MAP1S: variants seen among roughly 807,000 people sequenced by gnomAD.
MAP1S encodes the protein microtubule-associated protein 1S.
MAP1S carries 27 observed loss-of-function variants against 60.9 expected under a neutral mutation model. The observed-to-expected ratio is 0.44, with a 90% CI of 0.33 to 0.61. The LOEUF (loss-of-function observed/expected upper bound fraction) is 0.61. Ranked by LOEUF, MAP1S falls within the 20% of genes least tolerant of loss-of-function variation. The pLI is 0.03. For missense variants in MAP1S, 1,608 were observed against 1,486.6 expected (o/e 1.08, Z -1.34); for synonymous variants, 826 against 694.2 (o/e 1.19, Z -2.98).
At position 17,725,847 on chromosome 19, in the gene MAP1S, A is replaced by G. The variant is rs1418635170; in HGVS notation, c.463A>G (p.Thr155Ala). ...CATACAGATCCGGGACATCCTGGCC[A>G]CCACGCCCCCACCTGTGCAGCCGCC... ...KDREIRDILATTPPPVQPPIL... is the reference protein window; with the variant it reads ...KDREIRDILAATPPPVQPPIL... Residue 155 changes from threonine (T) to alanine (A), a missense_variant, in exon 5 of 7, where the codon ACC becomes GCC. Physicochemically the swap from Thr to Ala is moderately conservative, Grantham distance 58. Around this residue, in one of 4 missense-constraint regions of MAP1S, gnomAD observed 320 missense variants for 393.1 expected, o/e 0.81. Coordinates refer to ENST00000324096, the MANE Select transcript of MAP1S (RefSeq NM_018174.6). This position sits in a 1 kb window ranked among gnomAD's most constrained non-coding sequence, Gnocchi z 4.2. 3 of 1,612,284 alleles carry G rather than the reference A, an allele frequency of 1.9e-6. No homozygotes were observed. The highest frequency in any genetic ancestry group is 2.5e-6 in the Non-Finnish European group (3 of 1,179,506).
chr19:17,725,838 A>T lies in MAP1S; in HGVS notation c.454A>T (p.Ile152Phe). ...CTCCTCCTCCATACAGATCCGGGAC[A>T]TCCTGGCCACCACGCCCCCACCTGT... ...QVLKDREIRD[I>F]LATTPPPVQP... The change falls in exon 5 of 7, where the codon ATC (isoleucine) becomes TTC (phenylalanine). Residue 152 changes from isoleucine to phenylalanine, a missense_variant. By Grantham distance (21) the Ile-to-Phe change is conservative. Transcript: ENST00000324096. This position sits in a 1 kb window ranked among gnomAD's most constrained non-coding sequence, Gnocchi z 4.2. 1 of 1,611,330 alleles carries T rather than the reference A, an allele frequency of 6.2e-7. No individual in the cohort carries two copies. The highest frequency in any genetic ancestry group is 8.5e-7 in the Non-Finnish European group (1 of 1,179,132).
In MAP1S at chr19:17,726,762, A is replaced by G; in HGVS notation, c.1378A>G (p.Thr460Ala). The G allele has an allele frequency of 6.4e-7, 1 of 1,560,892 alleles. No homozygotes were observed. The highest frequency in any genetic ancestry group is 8.6e-7 in the Non-Finnish European group (1 of 1,156,670). Residue 460 changes from threonine (T) to alanine (A), a missense_variant, in exon 5 of 7, where the codon ACG becomes GCG. Physicochemically the swap from Thr to Ala is moderately conservative, Grantham distance 58. Coordinates refer to ENST00000324096, the MANE Select transcript of MAP1S (RefSeq NM_018174.6). The stretch of plus-strand genomic sequence containing the variant: ...GAGGTTCCTGCGAGAGCCCGTGGTG[A>G]CGCCCCAGGACCTGGAGGGGCCGGG... The part of the protein sequence containing the change: ...HLRFLREPVV[T>A]PQDLEGPGRA...
chr19:17,726,747 C>T lies in MAP1S; in HGVS notation c.1363C>T (p.Arg455Ter). 1.3e-6 allele frequency: 2 copies of T among 1,576,752 alleles called. No homozygotes were observed. The highest frequency in any genetic ancestry group is 1.7e-6 in the Non-Finnish European group (2 of 1,164,988). The change falls in exon 5 of 7, where the codon CGA (arginine) becomes TGA (stop). Residue 455 changes from arginine (R) to a stop codon, truncating the protein, a stop_gained. Coordinates refer to ENST00000324096, the MANE Select transcript of MAP1S (RefSeq NM_018174.6). LOFTEE classifies it high-confidence loss of function. Reference sequence around the variant, plus strand: ...CCGCCTGCAGCACTTGAGGTTCCTGCGAGAGCCCGTGGTGACGCCCCAGGA... The same window carrying T: ...CCGCCTGCAGCACTTGAGGTTCCTGTGAGAGCCCGTGGTGACGCCCCAGGA... ...LVRLQHLRFL[R>*]EPVVTPQDLE...
chr19:17,720,491 GGT>G (rs2080360765), intron 1 of MAP1S: 2 of 1,522,154 alleles, frequency 1.3e-6, no homozygotes, highest in African/African-American at 2.7e-5. Context: ...CAGCTCACAT[GGT>G]GTCAGGAAGG....
At position 17,727,643 on chromosome 19, in the gene MAP1S, G is replaced by GT; in HGVS notation, c.2259_2260insT (p.Ala754CysfsTer12). 6.2e-7 allele frequency: 1 copy of GT among 1,608,330 alleles called. No individual in the cohort carries two copies. Among genetic ancestry groups the GT allele is most frequent in the South Asian group, 1.1e-5 (1 of 91,028 alleles). Reference sequence around the variant, plus strand: ...TTGAGCATCGCAAGGCGGTGCCAATGGCACCGGCACCTGCGTCCCCCGGCA... The same window carrying GT: ...TTGAGCATCGCAAGGCGGTGCCAATGTGCACCGGCACCTGCGTCCCCCGGCA... On this transcript the variant is annotated frameshift_variant, in exon 5 of 7. Coordinates refer to ENST00000324096, the MANE Select transcript of MAP1S (RefSeq NM_018174.6). LOFTEE classifies it high-confidence loss of function. The surrounding 1 kb of genome is among the most constrained non-coding windows in gnomAD (Gnocchi z 4.1).
At position 17,727,490 on chromosome 19, in the gene MAP1S, T is replaced by C. The variant is rs1359542378; in HGVS notation, c.2106T>C (p.Phe702=). ...TGGACGAGTCCCTGTCGGTGTCCTT[T>C]GAGCAGGTGCTGCCGCCATCCGCCC... is the stretch of plus-strand genomic sequence containing the variant. ...TEVDESLSVS[F]EQVLPPSAPT... Residue 702 remains phenylalanine (F), a synonymous_variant, in exon 5 of 7, where the codon TTT becomes TTC. Coordinates refer to ENST00000324096, the MANE Select transcript of MAP1S (RefSeq NM_018174.6). This position sits in a 1 kb window ranked among gnomAD's most constrained non-coding sequence, Gnocchi z 4.1. The C allele has an allele frequency of 6.2e-7, 1 of 1,610,796 alleles. No individual in the cohort carries two copies. Among genetic ancestry groups the C allele is most frequent in the East Asian group, 2.2e-5 (1 of 44,798 alleles).
chr19:17,720,625 G>T, intron 1 of MAP1S: 1 of 995,032 alleles, frequency 1.0e-6, no homozygotes, highest in South Asian at 1.7e-5. Context: ...TTCCAGGCAG[G>T]GGAAACAGCT....
chr19:17,734,383 G>A lies in MAP1S; in HGVS notation c.3135G>A (p.Val1045=). ...CGGTGTTGGGCAGCAACAGCATGGT[G>A]TCCATGCAGGATGACGCCTTCCCGG... ...GITVLGSNSM[V]SMQDDAFPAC... The change falls in exon 7 of 7, where the codon GTG becomes GTA. Residue 1045 remains valine (V), a synonymous_variant. Coordinates refer to ENST00000324096, the MANE Select transcript of MAP1S (RefSeq NM_018174.6). 6.2e-7 allele frequency: 1 copy of A among 1,613,508 alleles called. No individual in the cohort carries two copies. The highest frequency in any genetic ancestry group is 8.5e-7 in the Non-Finnish European group (1 of 1,179,956).
Position 17,726,189 on chromosome 19 carries a change from T to C in MAP1S, c.805T>C (p.Ser269Pro), listed in dbSNP as rs962497358. 1 of 1,612,360 alleles carries C rather than the reference T, an allele frequency of 6.2e-7. No individual in the cohort carries two copies. Among genetic ancestry groups the C allele is most frequent in the Admixed American group, 1.7e-5 (1 of 59,798 alleles). Residue 269 changes from serine (S) to proline (P), a missense_variant, in exon 5 of 7, where the codon TCA becomes CCA. Physicochemically the swap from Ser to Pro is moderately conservative, Grantham distance 74 (BLOSUM62 -1). Coordinates refer to ENST00000324096, the MANE Select transcript of MAP1S (RefSeq NM_018174.6). ...NGFTVLVNGG[S>P]NPKSSFWKLV... Reference sequence around the variant, plus strand: ...CTTCACTGTGCTGGTCAACGGTGGCTCAAACCCCAAGTCCAGTTTCTGGAA... The same window carrying C: ...CTTCACTGTGCTGGTCAACGGTGGCCCAAACCCCAAGTCCAGTTTCTGGAA...
At chr19:17,734,236 G>A (rs1239146368) in intron 6 of MAP1S, 37 bp from the exon 7 acceptor site, 1 of 1,582,428 alleles carries the variant, frequency 6.3e-7, no homozygotes, top group Non-Finnish European at 8.6e-7. Context: ...CCTCACTGGT[G>A]GTCCACTCTC....
At chr19:17,720,297 A>G in intron 1 of MAP1S, 1 of 1,436,036 alleles carries the variant, frequency 7.0e-7, no homozygotes, top group Non-Finnish European at 9.1e-7. Flanking sequence ...TGCATGTAAA[A>G]TGGGACAGGA....
In MAP1S at chr19:17,734,480, C is replaced by T. The variant is rs774692328; in HGVS notation, c.*52C>T. On this transcript the variant is annotated 3_prime_UTR_variant, in exon 7 of 7. Transcript: ENST00000324096. ...AGCCCAGCCCGCCTGTCCCTAGATT[C>T]AGCCACATCAGAAATAAACTGTGAC... 6.4e-7 allele frequency: 1 copy of T among 1,565,052 alleles called. No individual in the cohort carries two copies. The highest frequency in any genetic ancestry group is 8.7e-7 in the Non-Finnish European group (1 of 1,154,230).
At chr19:17,724,261 C>T in intron 3 of MAP1S, 53 bp downstream of exon 3, 2 of 1,421,036 alleles carry the variant, frequency 1.4e-6, no homozygotes, top group African/African-American at 2.8e-5. Context: ...CCCGTGCCTT[C>T]TCTGTCTTCC....
rs1210451213 is a variant in MAP1S at position 17,720,383 on chromosome 19, A to T, written c.119-553A>T. ...TGCGCCAGGCCTTTGGGCAGTGGAC[A>T]CAGGGATATGGCCGGGATGATAGAC... On this transcript the variant is annotated intron_variant, in intron 1 of 6. Coordinates refer to ENST00000324096, the MANE Select transcript of MAP1S (RefSeq NM_018174.6). 11 of 1,534,834 alleles carry T rather than the reference A, an allele frequency of 7.2e-6. 1 individual carries two copies. In the South Asian group the frequency reaches 1.2e-4, roughly 17 times the overall value.
chr19:17,734,459 CA>C lies in MAP1S; in HGVS notation c.*32del, dbSNP rs1568297466. The C allele has an allele frequency of 6.3e-7, 1 of 1,587,032 alleles. No individual in the cohort carries two copies. The highest frequency in any genetic ancestry group is 8.6e-7 in the Non-Finnish European group (1 of 1,164,756). On this transcript the variant is annotated 3_prime_UTR_variant, in exon 7 of 7. Coordinates refer to ENST00000324096, the MANE Select transcript of MAP1S (RefSeq NM_018174.6). ...TCGCCGACACGCCCCCCACTCAGCC[CA>C]GCCCGCCTGTCCCTAGATTCAGCCA...
At position 17,726,102 on chromosome 19, in the gene MAP1S, C is replaced by T. The variant is rs774711315; in HGVS notation, c.718C>T (p.Arg240Trp). 5.0e-6 allele frequency: 8 copies of T among 1,613,778 alleles called. No homozygotes were observed. The highest frequency in any genetic ancestry group is 1.7e-5 in the Admixed American group (1 of 60,004). ...PTSGGFLRLGRPCCYIFPGGL... is the reference protein window; with the variant it reads ...PTSGGFLRLGWPCCYIFPGGL... ...CTCCGGGGGCTTCCTCAGGCTGGGC[C>T]GGCCCTGCTGCTACATCTTCCCTGG... The change falls in exon 5 of 7, where the codon CGG becomes TGG. Residue 240 changes from arginine (R) to tryptophan (W), a missense_variant. Transcript: ENST00000324096.
At chr19:17,719,981 C>T (rs1023985657) in intron 1 of MAP1S, 10 of 368,242 alleles carry the variant, frequency 2.7e-5, no homozygotes, top group Non-Finnish European at 2.7e-5. Flanking sequence ...GGCCTGGGGT[C>T]GCTTTGGATC....
At chr19:17,730,287 T>C (rs1029538514) in intron 5 of MAP1S, among the ~76,000 whole-genome samples, 5 of 152,196 alleles carry the variant, frequency 3.3e-5, no homozygotes, top group South Asian at 4.1e-4. Flanking sequence ...TTTGGAGAAA[T>C]GTCTATTCAA....
In MAP1S at chr19:17,719,534, C is replaced by G. The variant is rs1221729198; in HGVS notation, c.32C>G (p.Ala11Gly). 3 of 1,245,820 alleles carry G rather than the reference C, an allele frequency of 2.4e-6. No homozygotes were observed. Among genetic ancestry groups the G allele is most frequent in the Non-Finnish European group, 2.0e-6 (2 of 987,556 alleles). The allele number at this position is 1,245,820 out of a possible 1,614,324, so 77.2% of individuals were successfully genotyped here. ...GCGGTGGCTGGATCTGGGGCTGCCGCGGCTCCGAGCTCACTGCTCCTCGTG... is the reference window on the plus strand; with the variant it reads ...GCGGTGGCTGGATCTGGGGCTGCCGGGGCTCCGAGCTCACTGCTCCTCGTG... MAAVAGSGAAAAPSSLLLVVG... is the reference protein window; with the variant it reads MAAVAGSGAAGAPSSLLLVVG... Residue 11 changes from alanine (A) to glycine (G), a missense_variant, in exon 1 of 7, where the codon GCG (alanine) becomes GGG (glycine). Physicochemically the swap from Ala to Gly is moderately conservative, Grantham distance 60. This residue lies in a region of MAP1S where 45 missense variants were observed against 22.0 expected (regional missense o/e 2.04). Transcript: ENST00000324096.
Sources: allele counts gnomAD v4.1 joint callset (sites outside exome capture counted in the v4.1 genomes callset), GRCh38; gene constraint gnomAD v4.1.1; regional missense constraint gnomAD v4.1.1; non-coding constraint Gnocchi (gnomAD v3.1); transcripts MANE v1.5; gene names NCBI Gene and HGNC (gene_info 2026-07-23, HGNC 2026-07-21).